The following CNIH4 variants were observed in gnomAD, a reference collection of about 807,000 sequenced individuals.
CNIH4 encodes cornichon family member 4, also known as protein cornichon homolog 4.
CNIH4 carries 9 observed loss-of-function variants against 21.5 expected under a neutral mutation model. The observed-to-expected ratio is 0.42, with a 90% CI of 0.25 to 0.73. The LOEUF (loss-of-function observed/expected upper bound fraction) is 0.73. Ranked by LOEUF, CNIH4 falls within the 30% of genes least tolerant of loss-of-function variation. CNIH4 has a pLI of 0.27. For synonymous variants in CNIH4, 67 were observed against 59.1 expected (o/e 1.13, Z -0.61); for missense variants, 159 against 170.0 (o/e 0.94, Z 0.36).
intron 3 of CNIH4, among the ~76,000 whole-genome samples, chr1:224,368,384 A>C (rs1174288096): frequency 6.6e-6 from 1 of 152,210 alleles, no homozygotes; most frequent in South Asian, 2.1e-4. Flanking sequence ...TTATAAAATA[A>C]AGACAAAGAT....
Position 224,379,365 on chromosome 1 carries a change from C to A in CNIH4, c.*3543C>A. ...TCCTGGAGGGCAGAATATGCCCATT[C>A]ATATTTGTATCTTCTTCCTTCTGCT... On this transcript the variant is annotated 3_prime_UTR_variant, in exon 5 of 5. Transcript: ENST00000465271. 2 of 467,354 alleles carry A rather than the reference C, an allele frequency of 4.3e-6. No individual in the cohort carries two copies. The highest frequency in any genetic ancestry group is 3.9e-6 in the Non-Finnish European group (1 of 254,922). 29.0% of individuals were successfully genotyped at this position (467,354 alleles called of 1,614,324 possible).
intron 2 of CNIH4, among the ~76,000 whole-genome samples, chr1:224,365,405 T>G (rs1672422170): frequency 6.6e-6 from 1 of 152,236 alleles, no homozygotes; most frequent in South Asian, 2.1e-4. Context: ...TATTGTAAGC[T>G]TTTACATTCT....
chr1:224,357,912 C>A (rs963073856), intron 1 of CNIH4, among the ~76,000 whole-genome samples: 14 of 152,196 alleles, frequency 9.2e-5, no homozygotes, highest in African/African-American at 3.4e-4. Context: ...ATTGCACCAT[C>A]CAGGTTTAAG....
At chr1:224,372,314 TCATAGATG>T (rs1383625931) in intron 4 of CNIH4, among the ~76,000 whole-genome samples, 1 of 152,138 alleles carries the variant, frequency 6.6e-6, no homozygotes, top group Admixed American at 6.5e-5. Flanking sequence ...CCTTTATCCA[TCATAGATG>T]CATAGAATAG....
At position 224,371,543 on chromosome 1, in the gene CNIH4, T is replaced by A. The variant is rs529745053; in HGVS notation, c.392+120T>A. On this transcript the variant is annotated intron_variant, in intron 4 of 4. Coordinates refer to ENST00000465271, the MANE Select transcript of CNIH4 (RefSeq NM_014184.4). ...AACTTTCGGGGATTATGTAAATTCC[T>A]TGTGGCTGTGTAGATTATTTATGTA... is the stretch of plus-strand genomic sequence containing the variant. 19 of 973,328 alleles carry A rather than the reference T, an allele frequency of 2.0e-5. No homozygotes were observed. The East Asian group carries it at 4.4e-4, about 22-fold the overall frequency. 60.3% of individuals were successfully genotyped at this position (973,328 alleles called of 1,614,324 possible).
rs60020912 is a variant in CNIH4, at chr1:224,358,768, A to G, written c.70-1727A>G. Among the ~76,000 whole-genome samples the G allele has an allele frequency of 9.8e-5, 15 of 152,340 alleles. No homozygotes were observed. In the East Asian group the frequency reaches 2.9e-3, roughly 29 times the overall value. On this transcript the variant is annotated intron_variant, in intron 1 of 4. Transcript: ENST00000465271. Reference sequence around the variant, plus strand: ...TGGAAAACCAGGCTTGATAATTTTAAATAGCCCTGGTTTACACCAATTTAT... The same window carrying G: ...TGGAAAACCAGGCTTGATAATTTTAGATAGCCCTGGTTTACACCAATTTAT...
rs538977916 is a variant in CNIH4, at chr1:224,376,746, T to G, written c.*924T>G. 17 of 985,416 alleles carry G rather than the reference T, an allele frequency of 1.7e-5. No homozygotes were observed. In the East Asian group the frequency reaches 1.7e-3, roughly 99 times the overall value. The allele number at this position is 985,416 out of a possible 1,614,324, so 61.0% of individuals were successfully genotyped here. On this transcript the variant is annotated 3_prime_UTR_variant, in exon 5 of 5. Transcript: ENST00000465271. ...ACTGGGAGACCAAATGCAAGCCATTTCATGGACATAGCAATATACAACCAA... is the reference window on the plus strand; with the variant it reads ...ACTGGGAGACCAAATGCAAGCCATTGCATGGACATAGCAATATACAACCAA...
intron 2 of CNIH4, chr1:224,364,185 C>T (rs1672382915): frequency 5.1e-6 from 5 of 982,750 alleles, no homozygotes; most frequent in Non-Finnish European, 4.8e-6. Flanking sequence ...CCCAGCGGTT[C>T]GAGACCAGCT....
At chr1:224,358,614 A>G (rs1273057288) in intron 1 of CNIH4, among the ~76,000 whole-genome samples, 1 of 152,166 alleles carries the variant, frequency 6.6e-6, no homozygotes, top group African/African-American at 2.4e-5. Flanking sequence ...TATCATTAGT[A>G]TTAGTGTATT....
At position 224,377,486 on chromosome 1, in the gene CNIH4, CTTTTT is replaced by C. The variant is rs34589187; in HGVS notation, c.*1677_*1681del. 1.4e-5 allele frequency: 2 copies of C among 138,710 alleles called. No homozygotes were observed. The highest frequency in any genetic ancestry group is 3.1e-5 in the Non-Finnish European group (2 of 63,692). 8.6% of individuals were successfully genotyped at this position (138,710 alleles called of 1,614,324 possible). On this transcript the variant is annotated 3_prime_UTR_variant, in exon 5 of 5. Coordinates refer to ENST00000465271, the MANE Select transcript of CNIH4 (RefSeq NM_014184.4). ...TAAGCTACTTAAAGGCGGTAGAGATCTTTTTTTTTTTTTTTTTGAGATGGGGTCTT... is the reference window on the plus strand; with the variant it reads ...TAAGCTACTTAAAGGCGGTAGAGATCTTTTTTTTTTTTGAGATGGGGTCTT...
chr1:224,375,345 C>G (rs1672749772), intron 4 of CNIH4, among the ~76,000 whole-genome samples: 1 of 152,108 alleles, frequency 6.6e-6, no homozygotes, highest in Admixed American at 6.6e-5. Context: ...ACGAGGTGCC[C>G]TAGAGCCAAT....
intron 1 of CNIH4, among the ~76,000 whole-genome samples, chr1:224,359,432 GA>G (rs1672209065): frequency 6.6e-6 from 1 of 152,152 alleles, no homozygotes; most frequent in Non-Finnish European, 1.5e-5. Context: ...ACAAATGAGT[GA>G]TTATGATATA....
intron 3 of CNIH4, among the ~76,000 whole-genome samples, chr1:224,368,602 T>C (rs1009597135): frequency 1.3e-5 from 2 of 152,106 alleles, no homozygotes; most frequent in African/African-American, 4.8e-5. Context: ...CTGAGTCATA[T>C]AGTAACTCTA....
chr1:224,372,273 G>T (rs903584436), intron 4 of CNIH4, among the ~76,000 whole-genome samples: 2 of 152,152 alleles, frequency 1.3e-5, no homozygotes, highest in Non-Finnish European at 2.9e-5. Flanking sequence ...AATTATTCCT[G>T]TGTGTTTTAG....
intron 4 of CNIH4, among the ~76,000 whole-genome samples, chr1:224,374,449 C>G (rs1401029871): frequency 1.4e-5 from 2 of 141,084 alleles, no homozygotes; most frequent in African/African-American, 2.7e-5. Flanking sequence ...GTCTCACACT[C>G]TGTCCCCCAG....
intron 2 of CNIH4, among the ~76,000 whole-genome samples, chr1:224,361,646 G>A (rs1346773184): frequency 6.6e-6 from 1 of 151,984 alleles, no homozygotes; most frequent in Non-Finnish European, 1.5e-5. Context: ...GCAGTGATGC[G>A]ATCATGGCTC....
chr1:224,362,957 T>G (rs1048145621), intron 2 of CNIH4, among the ~76,000 whole-genome samples: 2 of 152,192 alleles, frequency 1.3e-5, no homozygotes, highest in African/African-American at 2.4e-5. Context: ...ATCTGCCAAT[T>G]TTTCCTTTTT....
chr1:224,357,110 C>G (rs1672137942), intron 1 of CNIH4, 117 bp downstream of exon 1: 1 of 1,199,050 alleles, frequency 8.3e-7, no homozygotes, highest in South Asian at 1.3e-5. Flanking sequence ...GGCGTGGGCT[C>G]CCTGGGAGCT....
Position 224,367,118 on chromosome 1 carries a change from G to T in CNIH4, c.251+1127G>T, listed in dbSNP as rs1158730066. On this transcript the variant is annotated intron_variant, in intron 3 of 4. Transcript: ENST00000465271. ...CATAGCATACTTTCTTGTGAAGACCGCTGGGATAATCTTGACAAGCCTGTA... is the reference window on the plus strand; with the variant it reads ...CATAGCATACTTTCTTGTGAAGACCTCTGGGATAATCTTGACAAGCCTGTA... Among the ~76,000 whole-genome samples, 4 of 152,254 alleles carry T rather than the reference G, an allele frequency of 2.6e-5. No individual in the cohort carries two copies. In the East Asian group the frequency reaches 7.7e-4, roughly 29 times the overall value.
Sources: gnomAD v4.1 joint callset for allele counts (sites outside exome capture counted in the v4.1 genomes callset) on GRCh38, gnomAD v4.1.1 for gene constraint, MANE v1.5 for transcripts, NCBI Gene and HGNC (gene_info 2026-07-23, HGNC 2026-07-21) for gene names.